The following ANK3 variants were observed in gnomAD, a reference collection of about 807,000 sequenced individuals.
The protein encoded by ANK3 is ankyrin-3.
A neutral mutation model predicts 370.9 loss-of-function variants in ANK3; 57 were observed. That is an observed-to-expected ratio of 0.15 (90% CI 0.12 to 0.19). The LOEUF is 0.19. Among genes scored for constraint, ANK3 ranks in the 10% least tolerant of loss-of-function variants. The pLI, the probability that ANK3 is intolerant of heterozygous loss-of-function variation, is 1.00. For synonymous variants in ANK3, 1,929 were observed against 1,946.3 expected, an observed-to-expected ratio of 0.99 and a Z score of 0.23; for missense variants, 4,439 against 5,302.1, an observed-to-expected ratio of 0.84 and a Z score of 5.06.
intron 1 of ANK3, among the ~76,000 whole-genome samples, chr10:60,622,728 T>C (rs2078354694): frequency 6.6e-6 from 1 of 152,154 alleles, no homozygotes; most frequent in Non-Finnish European, 1.5e-5. Flanking sequence ...ACTAGAATCC[T>C]GGCAGGGAAG....
chr10:60,291,139 G>A (rs1439798700), intron 1 of ANK3, among the ~76,000 whole-genome samples: 1 of 152,078 alleles, frequency 6.6e-6, no homozygotes, highest in Non-Finnish European at 1.5e-5. Flanking sequence ...GTGCTGGTGG[G>A]TGGGTGGGTA....
At chr10:60,173,229 C>T in intron 18 of ANK3, 43 bp from the exon 19 acceptor site, 1 of 1,448,748 alleles carries the variant, frequency 6.9e-7, no homozygotes, top group Non-Finnish European at 9.6e-7. Context: ...CATAATTACA[C>T]TTTTACTAAC....
intron 16 of ANK3, among the ~76,000 whole-genome samples, chr10:60,193,643 A>G (rs1464833411): frequency 6.6e-6 from 1 of 151,852 alleles, no homozygotes; most frequent in Non-Finnish European, 1.5e-5. Context: ...TGACAAAAAA[A>G]AAAAAAAATT....
chr10:60,354,030 T>C (rs1461199112), intron 1 of ANK3, among the ~76,000 whole-genome samples: 3 of 152,240 alleles, frequency 2.0e-5, no homozygotes, highest in Non-Finnish European at 4.4e-5. Context: ...CTGCACAGCA[T>C]TGTATACTAT....
chr10:60,504,881 T>C (rs2075893212), intron 2 of ANK3, among the ~76,000 whole-genome samples: 1 of 152,132 alleles, frequency 6.6e-6, no homozygotes, highest in African/African-American at 2.4e-5. Flanking sequence ...CTGACTTGAA[T>C]TGAGATTCAA....
At chr10:60,417,175 G>T (rs10821759) in intron 2 of ANK3, among the ~76,000 whole-genome samples, 24,101 of 152,190 alleles carry the variant, frequency 0.16, 1,940 homozygotes, top group African/African-American at 0.18. Flanking sequence ...AGATTAAGCA[G>T]AGATCTCTGG....
intron 1 of ANK3, among the ~76,000 whole-genome samples, chr10:60,306,686 C>T (rs1466052999): frequency 6.6e-6 from 1 of 152,056 alleles, no homozygotes; most frequent in African/African-American, 2.4e-5. Context: ...TTTACATTCC[C>T]ACCAGCAGTG....
chr10:60,240,195 C>CATATAT (rs1565917043), intron 7 of ANK3, among the ~76,000 whole-genome samples: 9 of 130,538 alleles, frequency 6.9e-5, no homozygotes, highest in African/African-American at 2.6e-4. Flanking sequence ...CATATATATA[C>CATATAT]ACACACACAT....
chr10:60,063,608 T>C (rs2081040223), intron 39 of ANK3, among the ~76,000 whole-genome samples: 1 of 152,214 alleles, frequency 6.6e-6, no homozygotes, highest in Non-Finnish European at 1.5e-5. Context: ...TTAATGACTT[T>C]CTAGGGTCAA....
chr10:60,285,004 T>C (rs2098223197), intron 1 of ANK3, among the ~76,000 whole-genome samples: 2 of 151,978 alleles, frequency 1.3e-5, no homozygotes, highest in African/African-American at 4.8e-5. Flanking sequence ...ACAAAAAAGT[T>C]TCCTTCCACT....
intron 2 of ANK3, among the ~76,000 whole-genome samples, chr10:60,556,213 A>G (rs1039336167): frequency 6.6e-6 from 1 of 152,234 alleles, no homozygotes; most frequent in Non-Finnish European, 1.5e-5. Flanking sequence ...CAGAAGGCAT[A>G]TATCTTAAAC....
intron 2 of ANK3, among the ~76,000 whole-genome samples, chr10:60,443,091 G>GAGCT (rs1427195331): frequency 3.9e-5 from 6 of 152,194 alleles, no homozygotes; most frequent in Non-Finnish European, 8.8e-5. Context: ...TCAGGTCTTA[G>GAGCT]AGCTGAGCAT....
intron 38 of ANK3, 41 bp from the exon 39 acceptor site, chr10:60,064,329 C>G (rs1443152578): frequency 1.3e-6 from 2 of 1,532,658 alleles, no homozygotes; most frequent in African/African-American, 1.4e-5. Context: ...GCATATTCTA[C>G]TTTTATCACA....
chr10:60,162,264 G>A (rs934188428), intron 23 of ANK3, among the ~76,000 whole-genome samples: 6 of 152,150 alleles, frequency 3.9e-5, no homozygotes, highest in African/African-American at 1.4e-4. Context: ...AGATCTATGT[G>A]TTCCTTCTCT....
chr10:60,245,156 G>A (rs966163122), intron 7 of ANK3, among the ~76,000 whole-genome samples: 2 of 151,724 alleles, frequency 1.3e-5, no homozygotes, highest in East Asian at 1.9e-4. Flanking sequence ...GCGACAGAGC[G>A]AGACTCCGTC....
intron 2 of ANK3, among the ~76,000 whole-genome samples, chr10:60,519,813 CAT>C (rs2076307447): frequency 6.6e-6 from 1 of 152,064 alleles, no homozygotes; most frequent in Non-Finnish European, 1.5e-5. Flanking sequence ...GGCATAGAAT[CAT>C]AAAGATAACA....
chr10:60,483,939 C>T (rs993414468), intron 2 of ANK3, among the ~76,000 whole-genome samples: 1 of 152,146 alleles, frequency 6.6e-6, no homozygotes, highest in East Asian at 1.9e-4. Context: ...AGCAAAGTGA[C>T]TAGTTGACTT....
At chr10:60,697,622 T>G (rs1226566180) in intron 1 of ANK3, among the ~76,000 whole-genome samples, 1 of 144,404 alleles carries the variant, frequency 6.9e-6, no homozygotes, top group Non-Finnish European at 1.5e-5. Flanking sequence ...TATCTGATCT[T>G]TGACAAACCT....
intron 1 of ANK3, chr10:60,300,578 T>G: frequency 8.6e-7 from 1 of 1,160,240 alleles, no homozygotes; most frequent in South Asian, 1.7e-5. Flanking sequence ...GCATAGTACC[T>G]CCCAGAATTC....
Sources: allele counts gnomAD v4.1 joint callset (sites outside exome capture counted in the v4.1 genomes callset), GRCh38; gene constraint gnomAD v4.1.1; transcripts MANE v1.5; gene names NCBI Gene and HGNC (gene_info 2026-07-23, HGNC 2026-07-21).